RASAL1: variants seen among roughly 807,000 people sequenced by gnomAD.
The protein encoded by RASAL1 is RAS protein activator like 1.
RASAL1 carries 72 observed loss-of-function variants against 96.6 expected under a neutral mutation model. That is an observed-to-expected ratio of 0.75 (90% CI 0.62 to 0.91). The LOEUF is 0.91. Ranked by LOEUF, RASAL1 falls within the 40% of genes least tolerant of loss-of-function variation. The pLI is 0.00. For missense variants in RASAL1, 1,016 were observed against 1,072.5 expected, an observed-to-expected ratio of 0.95 and a Z score of 0.74; for synonymous variants, 405 against 430.4, an observed-to-expected ratio of 0.94 and a Z score of 0.73.
At chr12:113,100,135 A>C in intron 20 of RASAL1, 67 bp from the exon 21 acceptor site, 2 of 1,466,728 alleles carry the variant, frequency 1.4e-6, no homozygotes, top group Non-Finnish European at 1.8e-6. Context: ...ACCCGGACCC[A>C]ATGGTTTCTC....
chr12:113,127,467 A>C (rs1272263133), intron 4 of RASAL1, among the ~76,000 whole-genome samples: 1 of 152,030 alleles, frequency 6.6e-6, no homozygotes, highest in Non-Finnish European at 1.5e-5. Context: ...GCAACATAGC[A>C]AGACTCCGTA....
Position 113,119,441 on chromosome 12 carries a change from T to G in RASAL1, c.431A>C (p.Asp144Ala), listed in dbSNP as rs1391942803. The G allele has an allele frequency of 1.2e-6, 2 of 1,603,148 alleles. No homozygotes were observed. The highest frequency in any genetic ancestry group is 1.7e-6 in the Non-Finnish European group (2 of 1,173,590). ...CLRCHVLQAR[D>A]LAPRDISGTS... ...GCCAGAGATGTCTCTGGGAGCCAGGTCCCTGGGAACAGATGGGGAAAGGAG... is the reference window on the plus strand; with the variant it reads ...GCCAGAGATGTCTCTGGGAGCCAGGGCCCTGGGAACAGATGGGGAAAGGAG... Residue 144 changes from aspartate (D) to alanine (A), a missense_variant and splice_region_variant, in exon 6 of 21, where the codon GAC becomes GCC. Coordinates refer to ENST00000548055, the MANE Select transcript of RASAL1 (RefSeq NM_001301202.2).
chr12:113,111,453 T>C (rs1207110867), intron 13 of RASAL1, among the ~76,000 whole-genome samples: 2 of 152,170 alleles, frequency 1.3e-5, no homozygotes, highest in African/African-American at 2.4e-5. Flanking sequence ...CTCCGTAAAA[T>C]GGGAATAATC....
intron 4 of RASAL1, among the ~76,000 whole-genome samples, chr12:113,124,217 C>CAAA (rs35190885): frequency 3.1e-5 from 3 of 98,348 alleles, no homozygotes; most frequent in Non-Finnish European, 4.1e-5. Context: ...GACTCTGTCT[C>CAAA]AAAAAAAAAA....
chr12:113,102,005 G>A lies in RASAL1; in HGVS notation c.2109C>T (p.Ala703=), dbSNP rs199748998. ...CAGCTGAGTGTGTACGGCTGCAGCCGGCGGCTGAGGGAACACAGCTTCATT... is the reference window on the plus strand; with the variant it reads ...CAGCTGAGTGTGTACGGCTGCAGCCAGCGGCTGAGGGAACACAGCTTCATT... ...TCCLQAERSA[A]GCSRTHSAVT... is the part of the protein sequence containing the mutation. The change falls in exon 19 of 21, where the codon GCC becomes GCT. Residue 703 remains alanine, a synonymous_variant. Coordinates refer to ENST00000548055, the MANE Select transcript of RASAL1 (RefSeq NM_001301202.2). 1.4e-5 allele frequency: 23 copies of A among 1,612,874 alleles called. No homozygotes were observed. Among genetic ancestry groups the A allele is most frequent in the Middle Eastern group, 1.7e-4 (1 of 6,044 alleles).
intron 4 of RASAL1, among the ~76,000 whole-genome samples, chr12:113,122,152 G>T (rs974661547): frequency 5.3e-5 from 8 of 152,188 alleles, no homozygotes; most frequent in Non-Finnish European, 7.4e-5. Context: ...GCTAGCAAAT[G>T]GCAGAGCTGG....
intron 12 of RASAL1, 87 bp from the exon 13 acceptor site, chr12:113,112,365 G>GA: frequency 9.2e-7 from 1 of 1,085,102 alleles, no homozygotes; most frequent in Non-Finnish European, 1.2e-6. Flanking sequence ...GCTCCGAGAG[G>GA]ACTCATCTTC....
chr12:113,123,241 C>G (rs546138428), intron 4 of RASAL1, among the ~76,000 whole-genome samples: 8 of 152,294 alleles, frequency 5.3e-5, no homozygotes, highest in Admixed American at 5.2e-4. Context: ...CTTTGTGGGT[C>G]TAAATCAGAT....
At chr12:113,113,270 T>C (rs1442764276) in intron 12 of RASAL1, among the ~76,000 whole-genome samples, 1 of 152,206 alleles carries the variant, frequency 6.6e-6, no homozygotes, top group African/African-American at 2.4e-5. Context: ...TGGTCTCTTT[T>C]AATCCTAACA....
At chr12:113,104,350 G>A (rs1274282980) in intron 16 of RASAL1, 52 bp from the exon 17 acceptor site, 3 of 1,503,888 alleles carry the variant, frequency 2.0e-6, no homozygotes, top group Non-Finnish European at 2.7e-6. Flanking sequence ...GGGCCGGGGT[G>A]GGGACACCTT....
rs1395419567 is a variant in RASAL1 at position 113,116,035 on chromosome 12, G to C, written c.748C>G (p.Leu250Val). Residue 250 changes from leucine to valine, a missense_variant, in exon 9 of 21, where the codon CTG becomes GTG. By Grantham distance (32) the Leu-to-Val change is conservative. Transcript: ENST00000548055. ...EEDSGGNLGALRVKVRLIEDR... is the reference protein window; with the variant it reads ...EEDSGGNLGAVRVKVRLIEDR... ...TCAATCAGGCGTACCTTCACTCGCA[G>C]GGCACCCAGGTTCCCCCTGTCCAGG... 1.9e-6 allele frequency: 3 copies of C among 1,592,844 alleles called. No homozygotes were observed. Among genetic ancestry groups the C allele is most frequent in the Non-Finnish European group, 2.6e-6 (3 of 1,169,888 alleles).
intron 13 of RASAL1, 46 bp downstream of exon 13, chr12:113,112,040 A>T: frequency 1.6e-6 from 2 of 1,231,452 alleles, no homozygotes; most frequent in Non-Finnish European, 2.0e-6. Context: ...GTGACCCCGG[A>T]CAAGCTCCGG....
chr12:113,123,888 A>T (rs1449611154), intron 4 of RASAL1, among the ~76,000 whole-genome samples: 1 of 151,974 alleles, frequency 6.6e-6, no homozygotes, highest in Non-Finnish European at 1.5e-5. Context: ...CAGTCTCATG[A>T]CTTGAGATGG....
rs1364085746 is a variant in RASAL1, at chr12:113,101,997, C to A, written c.2117G>T (p.Ser706Ile). The A allele has an allele frequency of 6.2e-7, 1 of 1,613,556 alleles. No homozygotes were observed. Among genetic ancestry groups the A allele is most frequent in the Admixed American group, 1.7e-5 (1 of 59,908 alleles). Residue 706 changes from serine (S) to isoleucine (I), a missense_variant, in exon 19 of 21, where the codon AGC (serine) becomes ATC (isoleucine). Ser to Ile is a moderately radical substitution (Grantham distance 142). Transcript: ENST00000548055. ...CAGGGTGACAGCTGAGTGTGTACGGCTGCAGCCGGCGGCTGAGGGAACACA... is the reference window on the plus strand; with the variant it reads ...CAGGGTGACAGCTGAGTGTGTACGGATGCAGCCGGCGGCTGAGGGAACACA... The part of the protein sequence containing the change: ...LQAERSAAGC[S>I]RTHSAVTLGD...
At position 113,114,987 on chromosome 12, in the gene RASAL1, G is replaced by C. The variant is rs1951022002; in HGVS notation, c.1069-75C>G. The C allele has an allele frequency of 3.2e-6, 4 of 1,244,832 alleles. No individual in the cohort carries two copies. In the South Asian group the frequency reaches 4.8e-5, roughly 15 times the overall value. The allele number at this position is 1,244,832 out of a possible 1,614,324, so 77.1% of individuals were successfully genotyped here. ...CATGCCCATGAGCTGGGCGCAGGGG[G>C]GACCATGCAGGAAGAGGTTCAGAGA... is the stretch of plus-strand genomic sequence containing the variant. On this transcript the variant is annotated intron_variant, in intron 11 of 20. Transcript: ENST00000548055.
chr12:113,112,282 G>A lies in RASAL1; in HGVS notation c.1182-4C>T. ...TGCGCCTTTGAAGGAGATCCTCCTG[G>A]AGGGGCCGGCGGAGCAGCTCAGCCT... On this transcript the variant is annotated splice_polypyrimidine_tract_variant and splice_region_variant and intron_variant, in intron 12 of 20. Transcript: ENST00000548055. The A allele has an allele frequency of 8.0e-7, 1 of 1,256,112 alleles. No homozygotes were observed. The highest frequency in any genetic ancestry group is 1.0e-6 in the Non-Finnish European group (1 of 992,034). 77.8% of individuals were successfully genotyped at this position (1,256,112 alleles called of 1,614,324 possible).
Position 113,127,811 on chromosome 12 carries a change from C to T in RASAL1, c.298+1G>A. 1 of 1,611,232 alleles carries T rather than the reference C, an allele frequency of 6.2e-7. No homozygotes were observed. The highest frequency in any genetic ancestry group is 1.1e-5 in the South Asian group (1 of 91,008). On this transcript the variant is annotated splice_donor_variant, in intron 4 of 20. Coordinates refer to ENST00000548055, the MANE Select transcript of RASAL1 (RefSeq NM_001301202.2). LOFTEE classifies it high-confidence loss of function. ...TCCCTCTGCCCATGTCCCTCGCCCA[C>T]CTCGGGGGTCGGCTGTAATCGCCTC... is the stretch of plus-strand genomic sequence containing the variant.
At chr12:113,124,612 C>T (rs981734845) in intron 4 of RASAL1, among the ~76,000 whole-genome samples, 1 of 152,160 alleles carries the variant, frequency 6.6e-6, no homozygotes. Context: ...GCCGACAAAA[C>T]TTGGGTTGGA....
At position 113,101,920 on chromosome 12, in the gene RASAL1, G is replaced by C. The variant is rs756109348; in HGVS notation, c.2194C>G (p.Arg732Gly). Reference sequence around the variant, plus strand: ...TGGTCCCGCCCCAGGAGCAGCTGCCGATACACTGTCTGGGCCTCAGCATCA... The same window carrying C: ...TGGTCCCGCCCCAGGAGCAGCTGCCCATACACTGTCTGGGCCTCAGCATCA... ...DPDAEAQTVYRQLLLGRDQLR... is the reference protein window; with the variant it reads ...DPDAEAQTVYGQLLLGRDQLR... The change falls in exon 19 of 21, where the codon CGG becomes GGG. Residue 732 changes from arginine to glycine, a missense_variant. By Grantham distance (125) the Arg-to-Gly change is moderately radical (BLOSUM62 -2). Coordinates refer to ENST00000548055, the MANE Select transcript of RASAL1 (RefSeq NM_001301202.2). The C allele has an allele frequency of 5.0e-6, 8 of 1,614,108 alleles. No homozygotes were observed. In the East Asian group the frequency reaches 1.6e-4, roughly 31 times the overall value.
Sources: gnomAD v4.1 joint callset for allele counts (sites outside exome capture counted in the v4.1 genomes callset) on GRCh38, gnomAD v4.1.1 for gene constraint, MANE v1.5 for transcripts, NCBI Gene and HGNC (gene_info 2026-07-23, HGNC 2026-07-21) for gene names.